PCDHGA6: variants seen among roughly 807,000 people sequenced by gnomAD.
PCDHGA6 encodes protocadherin gamma subfamily A, 6.
In PCDHGA6, 41 loss-of-function variants were observed where a neutral mutation model predicts 60.6. The observed-to-expected ratio is 0.68, with a 90% CI of 0.53 to 0.88. The LOEUF is 0.88. Among genes scored for constraint, PCDHGA6 ranks in the 40% least tolerant of loss-of-function variants. The pLI is 0.00. For synonymous variants in PCDHGA6, 594 were observed against 524.4 expected, an observed-to-expected ratio of 1.13 and a Z score of -1.81; for missense variants, 1,312 against 1,203.0, an observed-to-expected ratio of 1.09 and a Z score of -1.34.
chr5:141,430,910 G>C, intron 1 of PCDHGA6: 2 of 1,608,040 alleles, frequency 1.2e-6, no homozygotes, highest in South Asian at 1.1e-5. Context: ...CATCTCCAGG[G>C]ACCTGGGGCT....
At chr5:141,404,875 C>A in intron 1 of PCDHGA6, 1 of 1,613,904 alleles carries the variant, frequency 6.2e-7, no homozygotes, top group Non-Finnish European at 8.5e-7. Context: ...TCAAACAGAG[C>A]CTTGTGGTGG....
chr5:141,482,885 A>G (rs1353686606), intron 1 of PCDHGA6, among the ~76,000 whole-genome samples: 2 of 152,202 alleles, frequency 1.3e-5, no homozygotes. Flanking sequence ...CAGCCTGGCC[A>G]ACATGGTGAA....
intron 1 of PCDHGA6, chr5:141,398,802 C>A: frequency 6.2e-7 from 1 of 1,613,982 alleles, no homozygotes; most frequent in Non-Finnish European, 8.5e-7. Context: ...TAAGCGGCAC[C>A]ACTGAGCTCC....
Position 141,394,531 on chromosome 5 carries a change from C to T in PCDHGA6, c.2424+18024C>T, listed in dbSNP as rs1188248060. ...CCCGCCCTCCCCACAGACGGTTCCA[C>T]TGGCGTGGAGCTGGCGCCCCGCTCC... On this transcript the variant is annotated intron_variant, in intron 1 of 3. Transcript: ENST00000517434. 3 of 1,614,224 alleles carry T rather than the reference C, an allele frequency of 1.9e-6. No homozygotes were observed. In the South Asian group the frequency reaches 3.3e-5, roughly 18 times the overall value.
intron 1 of PCDHGA6, among the ~76,000 whole-genome samples, chr5:141,448,316 T>C (rs1042171540): frequency 6.6e-6 from 1 of 152,174 alleles, no homozygotes; most frequent in Non-Finnish European, 1.5e-5. Flanking sequence ...AGGAATCTTT[T>C]CTTTGAATCT....
At position 141,410,277 on chromosome 5, in the gene PCDHGA6, T is replaced by C. The variant is rs1461250700; in HGVS notation, c.2424+33770T>C. 2.5e-6 allele frequency: 4 copies of C among 1,614,014 alleles called. No homozygotes were observed. In the Admixed American group the frequency reaches 6.7e-5, roughly 27 times the overall value. ...CCCCAGGCTGAACTGCAGTTTTACC[T>C]GGTGGTGGCCTTGGCCTTAATCTCA... On this transcript the variant is annotated intron_variant, in intron 1 of 3. Transcript: ENST00000517434.
chr5:141,454,081 T>C (rs1009599234), intron 1 of PCDHGA6, among the ~76,000 whole-genome samples: 2 of 152,198 alleles, frequency 1.3e-5, no homozygotes, highest in African/African-American at 4.8e-5. Flanking sequence ...ATGTTTTCAG[T>C]GAAATTTGAA....
Position 141,427,920 on chromosome 5 carries a change from C to T in PCDHGA6, c.2424+51413C>T, listed in dbSNP as rs552823212. The T allele has an allele frequency of 3.8e-6, 6 of 1,579,506 alleles. No homozygotes were observed. In the African/African-American group the frequency reaches 4.0e-5, roughly 11 times the overall value. On this transcript the variant is annotated intron_variant, in intron 1 of 3. Transcript: ENST00000517434. The stretch of plus-strand genomic sequence containing the variant: ...GCCCGCGCTCAGCGCCAACATGAGC[C>T]GGCGCATGTTGGTGGGCGACCTCAA...
rs1025985501 is a variant in PCDHGA6 at position 141,432,385 on chromosome 5, C to G, written c.2424+55878C>G. 2.5e-6 allele frequency: 4 copies of G among 1,614,138 alleles called. No homozygotes were observed. In the African/African-American group the frequency reaches 5.3e-5, roughly 22 times the overall value. Reference sequence around the variant, plus strand: ...CGCGGGACAACGGGCACCCGCCCCTCAGCAGCAACGTGTCGTTGAGCCTGT... The same window carrying G: ...CGCGGGACAACGGGCACCCGCCCCTGAGCAGCAACGTGTCGTTGAGCCTGT... On this transcript the variant is annotated intron_variant, in intron 1 of 3. Transcript: ENST00000517434. The surrounding 1 kb of genome is among the most constrained non-coding windows in gnomAD (Gnocchi z 6.0).
At chr5:141,396,683 T>G (rs1445621329) in intron 1 of PCDHGA6, 1 of 152,136 alleles carries the variant, frequency 6.6e-6, no homozygotes, top group Non-Finnish European at 1.5e-5. Context: ...ATTGTATTCC[T>G]GCATACCTTC....
At position 141,431,918 on chromosome 5, in the gene PCDHGA6, C is replaced by T; in HGVS notation, c.2424+55411C>T. On this transcript the variant is annotated intron_variant, in intron 1 of 3. Transcript: ENST00000517434. This position sits in a 1 kb window ranked among gnomAD's most constrained non-coding sequence, Gnocchi z 4.8. Reference sequence around the variant, plus strand: ...AAACGGACAGGTGATCTGTTTCATCCAAGGAAATCTGCCCTTTAAATTAGA... The same window carrying T: ...AAACGGACAGGTGATCTGTTTCATCTAAGGAAATCTGCCCTTTAAATTAGA... The T allele has an allele frequency of 6.2e-7, 1 of 1,613,998 alleles. No individual in the cohort carries two copies. The highest frequency in any genetic ancestry group is 8.5e-7 in the Non-Finnish European group (1 of 1,179,862).
At chr5:141,492,132 C>A (rs1289132641) in intron 1 of PCDHGA6, among the ~76,000 whole-genome samples, 3 of 152,220 alleles carry the variant, frequency 2.0e-5, no homozygotes, top group African/African-American at 4.8e-5. Context: ...CAGCTCCCAG[C>A]ATCTGTGACT....
intron 1 of PCDHGA6, chr5:141,422,371 C>A: frequency 6.4e-7 from 1 of 1,567,208 alleles, no homozygotes; most frequent in South Asian, 1.2e-5. Context: ...AGAAAATGGT[C>A]AAGTCTCCTG....
chr5:141,439,632 T>C (rs1335553818), intron 1 of PCDHGA6, among the ~76,000 whole-genome samples: 1 of 152,182 alleles, frequency 6.6e-6, no homozygotes, highest in Non-Finnish European at 1.5e-5. Context: ...TCCCCAGACA[T>C]TCCGGCTTGG....
chr5:141,441,359 G>T (rs932747576), intron 1 of PCDHGA6: 1 of 152,522 alleles, frequency 6.6e-6, no homozygotes, highest in Non-Finnish European at 1.5e-5. Flanking sequence ...TGTAACAAAT[G>T]GGGCCGTGGA....
intron 1 of PCDHGA6, among the ~76,000 whole-genome samples, chr5:141,452,689 C>G (rs1198702467): frequency 6.6e-6 from 1 of 151,562 alleles, no homozygotes; most frequent in Non-Finnish European, 1.5e-5. Context: ...AGAATGAAAC[C>G]CTGTCAAGAA....
intron 1 of PCDHGA6, among the ~76,000 whole-genome samples, chr5:141,494,469 C>T (rs2099754623): frequency 6.6e-6 from 1 of 152,114 alleles, no homozygotes; most frequent in Non-Finnish European, 1.5e-5. Flanking sequence ...GCACCTCTTC[C>T]CCCAGTTCCA....
At chr5:141,384,074 T>G in intron 1 of PCDHGA6, 1 of 1,601,488 alleles carries the variant, frequency 6.2e-7, no homozygotes, top group Non-Finnish European at 8.5e-7. Flanking sequence ...AACCTACCTT[T>G]TAAATTAGAA....
Position 141,486,006 on chromosome 5 carries a change from C to G in PCDHGA6, c.2425-8801C>G, listed in dbSNP as rs1394484191. The G allele has an allele frequency of 1.9e-6, 3 of 1,614,190 alleles. No individual in the cohort carries two copies. The highest frequency in any genetic ancestry group is 1.1e-5 in the South Asian group (1 of 91,084). On this transcript the variant is annotated intron_variant, in intron 1 of 3. Transcript: ENST00000517434. The surrounding 1 kb of genome is among the most constrained non-coding windows in gnomAD (Gnocchi z 5.0). Reference sequence around the variant, plus strand: ...GACCTGGGTCCCAGTGGTAACGTCACCTTTTATTTCAGTGGTCATACCCCT... The same window carrying G: ...GACCTGGGTCCCAGTGGTAACGTCAGCTTTTATTTCAGTGGTCATACCCCT...
Sources: gnomAD v4.1 joint callset for allele counts (sites outside exome capture counted in the v4.1 genomes callset) on GRCh38, gnomAD v4.1.1 for gene constraint, Gnocchi (gnomAD v3.1) non-coding constraint, MANE v1.5 for transcripts, NCBI Gene and HGNC (gene_info 2026-07-23, HGNC 2026-07-21) for gene names.